Variants in AKT1 observed in about 807,000 individuals in gnomAD.
The protein encoded by AKT1 is AKT serine/threonine kinase 1.
AKT1 carries 21 observed loss-of-function variants against 63.1 expected under a neutral mutation model. The ratio of observed to expected loss-of-function variants is 0.33; its 90% confidence interval spans 0.24 to 0.48. The LOEUF (loss-of-function observed/expected upper bound fraction) is 0.48, where lower values mean the gene tolerates loss of function less well. AKT1 is among the 20% of genes least tolerant of loss of function. The pLI is 0.99. For synonymous variants in AKT1, 257 were observed against 253.1 expected (o/e 1.02, Z -0.15); for missense variants, 382 against 666.0 (o/e 0.57, Z 4.69).
Position 104,792,631 on chromosome 14 carries a change from C to G in AKT1, c.13G>C (p.Ala5Pro). The G allele has an allele frequency of 6.2e-7, 1 of 1,611,364 alleles. No homozygotes were observed. Among genetic ancestry groups the G allele is most frequent in the South Asian group, 1.1e-5 (1 of 91,092 alleles). ...TGCAGCCAACCCTCCTTCACAATAG[C>G]CACGTCGCTCATGGTGCCCGAGGCT... is the stretch of plus-strand genomic sequence containing the variant. MSDV[A>P]IVKEGWLHKR... The change falls in exon 3 of 15, where the codon GCT becomes CCT. Residue 5 changes from alanine to proline, a missense_variant. Physicochemically the swap from Ala to Pro is conservative, Grantham distance 27. Transcript: ENST00000649815.
Position 104,769,599 on chromosome 14 carries a change from A to G in AKT1, c.*742T>C. 3.8e-6 allele frequency: 2 copies of G among 529,568 alleles called. No homozygotes were observed. The highest frequency in any genetic ancestry group is 2.3e-5 in the Admixed American group (1 of 43,894). 32.8% of individuals were successfully genotyped at this position (529,568 alleles called of 1,614,324 possible). A position where few individuals can be genotyped will look rare whatever the true frequency, so the allele number is the denominator to read the frequency against. On this transcript the variant is annotated 3_prime_UTR_variant, in exon 15 of 15. Coordinates refer to ENST00000649815, the MANE Select transcript of AKT1 (RefSeq NM_001382430.1). Reference sequence around the variant, plus strand: ...ACCGTGGAGAGATCATCTGAGGGGGAGGCTCCCGGTGGGACAGTCACCAAG... The same window carrying G: ...ACCGTGGAGAGATCATCTGAGGGGGGGGCTCCCGGTGGGACAGTCACCAAG...
At chr14:104,780,024 T>C in intron 4 of AKT1, 64 bp downstream of exon 4, 2 of 1,583,152 alleles carry the variant, frequency 1.3e-6, no homozygotes, top group Admixed American at 3.5e-5. Flanking sequence ...TGGGGCCTGG[T>C]GGGCAAAGAG....
chr14:104,773,635 C>G, intron 9 of AKT1, 55 bp from the exon 10 acceptor site: 1 of 1,561,186 alleles, frequency 6.4e-7, no homozygotes, highest in Non-Finnish European at 8.7e-7. Flanking sequence ...GCCCCCATGG[C>G]CTGCAGGGCT....
intron 3 of AKT1, among the ~76,000 whole-genome samples, chr14:104,787,786 AG>A (rs983828380): frequency 3.3e-5 from 5 of 152,252 alleles, no homozygotes; most frequent in Non-Finnish European, 7.3e-5. Context: ...AGAAACACAC[AG>A]GAAGAAGAGC....
At chr14:104,790,612 C>T (rs768814608) in intron 3 of AKT1, among the ~76,000 whole-genome samples, 2 of 152,202 alleles carry the variant, frequency 1.3e-5, no homozygotes, top group African/African-American at 2.4e-5. Context: ...CACCTGCTCT[C>T]GGCAACAAGA....
chr14:104,774,254 C>G, intron 8 of AKT1: 1 of 523,258 alleles, frequency 1.9e-6, no homozygotes, highest in Non-Finnish European at 3.5e-6. Context: ...CCCCACACCA[C>G]ACTGCCTCAT....
rs1302917602 is a variant in AKT1, at chr14:104,769,947, C to CA, written c.*393dup. The CA allele has an allele frequency of 4.8e-6, 2 of 414,380 alleles. No individual in the cohort carries two copies. The highest frequency in any genetic ancestry group is 4.5e-6 in the Non-Finnish European group (1 of 223,522). 25.7% of individuals were successfully genotyped at this position (414,380 alleles called of 1,614,324 possible). Reference sequence around the variant, plus strand: ...GAGGCCCAGGGCCCCAGAGAGATGACAGATAGCTGGTGACAGACAGCCCAG... The same window carrying CA: ...GAGGCCCAGGGCCCCAGAGAGATGACAAGATAGCTGGTGACAGACAGCCCAG... On this transcript the variant is annotated 3_prime_UTR_variant, in exon 15 of 15. Coordinates refer to ENST00000649815, the MANE Select transcript of AKT1 (RefSeq NM_001382430.1).
rs895240226 is a variant in AKT1, at chr14:104,776,923, C to T, written c.176-153G>A. 115 of 625,398 alleles carry T rather than the reference C, an allele frequency of 1.8e-4. 1 individual carries two copies. The highest frequency in any genetic ancestry group is 2.4e-4 in the Non-Finnish European group (86 of 360,990). The allele number at this position is 625,398 out of a possible 1,614,324, so 38.7% of individuals were successfully genotyped here. The stretch of plus-strand genomic sequence containing the variant: ...TTCCTCTCTCCAAGCCTCAGTTTCT[C>T]GCCTCACAGAGTGGGGCTAGGACCC... On this transcript the variant is annotated intron_variant, in intron 4 of 14. Transcript: ENST00000649815.
At chr14:104,792,743 T>C (rs1595265323) in intron 2 of AKT1, 21 bp from the exon 3 acceptor site, 2 of 1,461,712 alleles carry the variant, frequency 1.4e-6, no homozygotes, top group Non-Finnish European at 9.5e-7. Flanking sequence ...CAAAGGAAGC[T>C]GAATGTGAGG....
intron 3 of AKT1, among the ~76,000 whole-genome samples, chr14:104,790,753 G>A (rs1023632237): frequency 2.4e-4 from 36 of 152,284 alleles, no homozygotes; most frequent in African/African-American, 8.2e-4. Context: ...CTGAGGCTAG[G>A]GGCCAGATGA....
chr14:104,782,703 G>A (rs1016545027), intron 3 of AKT1, among the ~76,000 whole-genome samples: 1 of 152,140 alleles, frequency 6.6e-6, no homozygotes, highest in Non-Finnish European at 1.5e-5. Flanking sequence ...CGGCGATCAG[G>A]GCCTACCCCA....
intron 4 of AKT1, 68 bp from the exon 5 acceptor site, chr14:104,776,838 C>T (rs1892742664): frequency 1.5e-6 from 2 of 1,368,924 alleles, no homozygotes; most frequent in Non-Finnish European, 2.0e-6. Context: ...ACCACAGCCC[C>T]CGCTGCACCA....
At chr14:104,791,736 C>T (rs144385389) in intron 3 of AKT1, among the ~76,000 whole-genome samples, 8 of 152,310 alleles carry the variant, frequency 5.3e-5, no homozygotes, top group African/African-American at 1.9e-4. Flanking sequence ...AGAGGGTGTA[C>T]GTAAAGCCGG....
Position 104,780,131 on chromosome 14 carries a change from A to G in AKT1, c.132T>C (p.Asp44=), listed in dbSNP as rs1347356104. ...TFIGYKERPQ[D]VDQREAPLNN... ...TGAGGGGAGCCTCACGTTGGTCCAC[A>G]TCCTGCGGCCGCTCCTTGTAGCCAA... Residue 44 remains aspartate, a synonymous_variant, in exon 4 of 15, where the codon GAT becomes GAC. Coordinates refer to ENST00000649815, the MANE Select transcript of AKT1 (RefSeq NM_001382430.1). 1.9e-6 allele frequency: 3 copies of G among 1,613,514 alleles called. No individual in the cohort carries two copies. Among genetic ancestry groups the G allele is most frequent in the Non-Finnish European group, 1.7e-6 (2 of 1,179,964 alleles).
At chr14:104,792,771 C>T in intron 2 of AKT1, 49 bp from the exon 3 acceptor site, 1 of 1,192,296 alleles carries the variant, frequency 8.4e-7, no homozygotes, top group Non-Finnish European at 1.2e-6. Context: ...TGGCTAAGGG[C>T]AGCTCCTCGC....
At chr14:104,770,441 G>A (rs140998189) in intron 14 of AKT1, 21 bp from the exon 15 acceptor site, 14 of 1,559,222 alleles carry the variant, frequency 9.0e-6, no homozygotes, top group Admixed American at 1.9e-5. Context: ...AGACAGCTCA[G>A]ACCCCGGTGC....
rs374076243 is a variant in AKT1 at position 104,774,290 on chromosome 14, C to T, written c.634-310G>A. The T allele has an allele frequency of 8.4e-5, 38 of 454,918 alleles. No individual in the cohort carries two copies. In the East Asian group the frequency reaches 9.9e-4, roughly 12 times the overall value. 28.2% of individuals were successfully genotyped at this position (454,918 alleles called of 1,614,324 possible). A position where few individuals can be genotyped will look rare whatever the true frequency, so the allele number is the denominator to read the frequency against. On this transcript the variant is annotated intron_variant, in intron 8 of 14. Coordinates refer to ENST00000649815, the MANE Select transcript of AKT1 (RefSeq NM_001382430.1). ...GCCACGCCACCATCAGGCTGGGCCC[C>T]GGCAGCCCCTGAGGTGCCAAGGAGT... is the stretch of plus-strand genomic sequence containing the variant.
intron 4 of AKT1, chr14:104,777,228 A>G (rs2494736): frequency 0.083 from 15,499 of 187,334 alleles, 1,518 homozygotes; most frequent in East Asian, 0.52. Context: ...AGCCACCTGG[A>G]GCACACCCAC....
chr14:104,790,989 G>C (rs1486751854), intron 3 of AKT1, among the ~76,000 whole-genome samples: 1 of 152,160 alleles, frequency 6.6e-6, no homozygotes, highest in Admixed American at 6.5e-5. Context: ...CTGATGTCCT[G>C]TCCCTGCCAG....
Sources: gnomAD v4.1 joint callset for allele counts (sites outside exome capture counted in the v4.1 genomes callset) on GRCh38, gnomAD v4.1.1 for gene constraint, MANE v1.5 for transcripts, NCBI Gene and HGNC (gene_info 2026-07-23, HGNC 2026-07-21) for gene names.